The following CFAP251 variants were observed in gnomAD, a reference collection of about 807,000 sequenced individuals.
CFAP251 encodes cilia and flagella associated protein 251, also known as cilia- and flagella-associated protein 251.
A neutral mutation model predicts 126.7 loss-of-function variants in CFAP251; 93 were observed. The observed-to-expected ratio is 0.73, with a 90% CI of 0.62 to 0.87. The LOEUF is 0.87. Ranked by LOEUF, CFAP251 falls within the 40% of genes least tolerant of loss-of-function variation. CFAP251 has a pLI of 0.00. For missense variants in CFAP251, 1,287 were observed against 1,389.2 expected (o/e 0.93, Z 1.17); for synonymous variants, 503 against 506.9 (o/e 0.99, Z 0.10).
At chr12:121,952,140 A>T (rs113018460) in intron 9 of CFAP251, among the ~76,000 whole-genome samples, 2 of 151,012 alleles carry the variant, frequency 1.3e-5, no homozygotes, top group African/African-American at 4.9e-5. Context: ...AGTGGCTCTC[A>T]TCTGTAATCC....
intron 19 of CFAP251, among the ~76,000 whole-genome samples, chr12:121,992,993 C>G (rs1283291853): frequency 6.8e-6 from 1 of 148,096 alleles, no homozygotes; most frequent in East Asian, 2.0e-4. Flanking sequence ...CTCCCTCTCC[C>G]TCTCCCTCTC....
intron 19 of CFAP251, among the ~76,000 whole-genome samples, chr12:121,980,611 G>A (rs903106864): frequency 1.3e-5 from 2 of 152,078 alleles, no homozygotes. Context: ...GCCTCCCACA[G>A]TGCTGGGATT....
intron 15 of CFAP251, among the ~76,000 whole-genome samples, chr12:121,966,079 C>T (rs145515405): frequency 6.6e-5 from 10 of 151,196 alleles, no homozygotes; most frequent in East Asian, 5.9e-4. Context: ...TGAGCCACTG[C>T]GTTCTGCCCA....
At chr12:121,926,444 A>C (rs1422756266) in intron 3 of CFAP251, among the ~76,000 whole-genome samples, 1 of 151,888 alleles carries the variant, frequency 6.6e-6, no homozygotes, top group Non-Finnish European at 1.5e-5. Context: ...TTCCCACCTC[A>C]GCCTCCCCAG....
At chr12:121,990,572 G>A (rs75408462) in intron 19 of CFAP251, among the ~76,000 whole-genome samples, 8,143 of 152,254 alleles carry the variant, frequency 0.053, 257 homozygotes, top group Middle Eastern at 0.071. Context: ...TGGCTCTGCA[G>A]TAGGCCCACC....
In CFAP251 at chr12:121,960,777, G is replaced by A. The variant is rs189618767; in HGVS notation, c.2307+19G>A. 29 of 1,611,280 alleles carry A rather than the reference G, an allele frequency of 1.8e-5. No individual in the cohort carries two copies. The highest frequency in any genetic ancestry group is 1.1e-4 in the African/African-American group (8 of 74,956). ...GCTCTTGGTGAGCTGTTTAGTTTTC[G>A]TTGACCTGGTCGCCAAGACTGTGTC... On this transcript the variant is annotated intron_variant, in intron 14 of 21. Coordinates refer to ENST00000288912, the MANE Select transcript of CFAP251 (RefSeq NM_144668.6).
At chr12:121,929,681 C>CT (rs547554376) in intron 3 of CFAP251, among the ~76,000 whole-genome samples, 7,726 of 143,924 alleles carry the variant, frequency 0.054, 213 homozygotes, top group Middle Eastern at 0.061. Flanking sequence ...AACCACTGAT[C>CT]TTTTTTTTTT....
chr12:121,980,069 A>T (rs1882582038), intron 19 of CFAP251, among the ~76,000 whole-genome samples: 1 of 152,112 alleles, frequency 6.6e-6, no homozygotes, highest in South Asian at 2.1e-4. Context: ...GTCCACATCC[A>T]GTGGGATTCA....
chr12:121,969,105 G>A, intron 17 of CFAP251: 3 of 985,352 alleles, frequency 3.0e-6, no homozygotes, highest in Non-Finnish European at 3.6e-6. Flanking sequence ...CAGCTCAGAG[G>A]CACCTTCCTT....
intron 17 of CFAP251, chr12:121,971,518 C>G (rs187314300): frequency 1.3e-5 from 9 of 702,470 alleles, no homozygotes; most frequent in Admixed American, 6.0e-5. Context: ...GGGGCCTGCA[C>G]TGAGTGAGTT....
At position 121,921,571 on chromosome 12, in the gene CFAP251, C is replaced by T. The variant is rs1390273739; in HGVS notation, c.266C>T (p.Ala89Val). The T allele has an allele frequency of 1.9e-6, 3 of 1,614,002 alleles. No individual in the cohort carries two copies. The highest frequency in any genetic ancestry group is 2.2e-5 in the South Asian group (2 of 91,070). The change falls in exon 2 of 22, where the codon GCT becomes GTT. Residue 89 changes from alanine (A) to valine (V), a missense_variant. Transcript: ENST00000288912. ...GCTGGAGAAGTCCAAGAGAAGGAGG[C>T]TTCAGGAATACAGGAAGAAACCACA... ...EKAGEVQEKEASGIQEETTVE... is the reference protein window; with the variant it reads ...EKAGEVQEKEVSGIQEETTVE...
At chr12:121,923,557 GA>G in intron 2 of CFAP251, 64 bp from the exon 3 acceptor site, 2 of 1,528,140 alleles carry the variant, frequency 1.3e-6, no homozygotes, top group Non-Finnish European at 1.8e-6. Flanking sequence ...ACTGGGAATA[GA>G]AAAGGTGAAT....
chr12:121,976,540 C>G (rs752443056), intron 19 of CFAP251, among the ~76,000 whole-genome samples: 4 of 152,018 alleles, frequency 2.6e-5, no homozygotes, highest in Non-Finnish European at 2.9e-5. Flanking sequence ...CAGAAGCACC[C>G]CTAGATGCAA....
intron 10 of CFAP251, 79 bp downstream of exon 10, chr12:121,954,413 T>C: frequency 7.8e-7 from 1 of 1,288,292 alleles, no homozygotes; most frequent in Non-Finnish European, 1.1e-6. Context: ...TTGGGCACAG[T>C]GGCTTACACC....
intron 17 of CFAP251, chr12:121,969,994 C>T (rs1052227678): frequency 1.3e-5 from 13 of 974,204 alleles, no homozygotes; most frequent in Non-Finnish European, 2.4e-6. Flanking sequence ...TTAATATGAT[C>T]AGCACTTCAC....
intron 19 of CFAP251, among the ~76,000 whole-genome samples, chr12:121,990,569 G>C (rs7296744): frequency 6.6e-6 from 1 of 152,208 alleles, no homozygotes; most frequent in East Asian, 1.9e-4. Flanking sequence ...TCATGGCTCT[G>C]CAGTAGGCCC....
intron 17 of CFAP251, chr12:121,971,722 AG>A: frequency 1.5e-6 from 1 of 663,402 alleles, no homozygotes; most frequent in South Asian, 1.6e-5. Flanking sequence ...TCATTACAGG[AG>A]GAAAATAAAG....
chr12:121,922,637 G>T (rs1346086590), intron 2 of CFAP251, among the ~76,000 whole-genome samples: 1 of 151,982 alleles, frequency 6.6e-6, no homozygotes, highest in Non-Finnish European at 1.5e-5. Context: ...CTTAGCTGTG[G>T]CCTAAGAATA....
chr12:121,971,693 C>G, intron 17 of CFAP251: 1 of 696,314 alleles, frequency 1.4e-6, no homozygotes, highest in East Asian at 2.7e-5. Context: ...CTAAGTCCAC[C>G]CCACACCTTA....
Sources: allele counts gnomAD v4.1 joint callset (sites outside exome capture counted in the v4.1 genomes callset), GRCh38; gene constraint gnomAD v4.1.1; transcripts MANE v1.5; gene names NCBI Gene and HGNC (gene_info 2026-07-23, HGNC 2026-07-21).